STAG1: variants seen among roughly 807,000 people sequenced by gnomAD.
The protein encoded by STAG1 is STAG1 cohesin complex component.
Under a neutral mutation model 170.9 loss-of-function variants are expected in STAG1, and 26 were observed. That is an observed-to-expected ratio of 0.15 (90% CI 0.11 to 0.21). STAG1 has a LOEUF of 0.21. STAG1 is among the 10% of genes least tolerant of loss of function. The pLI is 1.00. For synonymous variants in STAG1, 514 were observed against 497.7 expected, an observed-to-expected ratio of 1.03 and a Z score of -0.44; for missense variants, 964 against 1,509.5, an observed-to-expected ratio of 0.64 and a Z score of 5.99.
At chr3:136,420,423 G>A (rs955706225) in intron 20 of STAG1, among the ~76,000 whole-genome samples, 19 of 151,134 alleles carry the variant, frequency 1.3e-4, no homozygotes, top group African/African-American at 3.9e-4. Flanking sequence ...TCTCAAACTC[G>A]TGGGGCTCAA....
intron 22 of STAG1, among the ~76,000 whole-genome samples, chr3:136,396,520 CTT>C (rs146270857): frequency 6.9e-5 from 3 of 43,654 alleles, no homozygotes; most frequent in East Asian, 8.8e-4. Flanking sequence ...CGCGCCTGGC[CTT>C]TTTTTTTTTT....
intron 23 of STAG1, among the ~76,000 whole-genome samples, chr3:136,376,554 C>A (rs979721424): frequency 6.6e-6 from 1 of 152,160 alleles, no homozygotes; most frequent in Non-Finnish European, 1.5e-5. Flanking sequence ...TCTGAGCCTG[C>A]AAAGGCCTCT....
At chr3:136,736,880 G>C in intron 1 of STAG1, 4 of 1,585,150 alleles carry the variant, frequency 2.5e-6, no homozygotes, top group Non-Finnish European at 3.5e-6. Flanking sequence ...TTTCCTGCCT[G>C]AATTACATCC....
At chr3:136,402,596 C>T (rs1050235046) in intron 21 of STAG1, among the ~76,000 whole-genome samples, 3 of 150,530 alleles carry the variant, frequency 2.0e-5, no homozygotes, top group Non-Finnish European at 4.4e-5. Context: ...TTTGGCAGGC[C>T]GAGGCGGGTG....
chr3:136,507,267 C>G (rs141474846), intron 7 of STAG1, among the ~76,000 whole-genome samples: 1 of 152,140 alleles, frequency 6.6e-6, no homozygotes, highest in African/African-American at 2.4e-5. Flanking sequence ...TTTAGAAAAA[C>G]GTAAGAAACT....
chr3:136,649,937 C>A (rs955949757), intron 1 of STAG1, among the ~76,000 whole-genome samples: 9 of 151,588 alleles, frequency 5.9e-5, no homozygotes, highest in African/African-American at 1.9e-4. Context: ...CTGGCTAATT[C>A]TTTGTATTTT....
chr3:136,644,283 T>C (rs1318875764), intron 1 of STAG1, among the ~76,000 whole-genome samples: 1 of 152,166 alleles, frequency 6.6e-6, no homozygotes, highest in Non-Finnish European at 1.5e-5. Context: ...TTTTTCAGAA[T>C]CCCACAGACT....
At chr3:136,586,664 G>T (rs188112402) in intron 4 of STAG1, 69 of 314,570 alleles carry the variant, frequency 2.2e-4, no homozygotes, top group Non-Finnish European at 3.6e-4. Flanking sequence ...AATCTATTGT[G>T]TTTTGGAGAA....
rs1226713045 is a variant in STAG1, at chr3:136,465,101, C to T, written c.1206-113G>A. On this transcript the variant is annotated intron_variant, in intron 12 of 33. Coordinates refer to ENST00000383202, the MANE Select transcript of STAG1 (RefSeq NM_005862.3). ...AAGCTCAAGACTTAATAATTGTTGT[C>T]TCATCTTTTATCTTACTTTGAAAGT... 5 of 636,008 alleles carry T rather than the reference C, an allele frequency of 7.9e-6. No individual in the cohort carries two copies. In the African/African-American group the frequency reaches 9.3e-5, roughly 12 times the overall value. 39.4% of individuals were successfully genotyped at this position (636,008 alleles called of 1,614,324 possible).
At chr3:136,669,324 T>C (rs1473084406) in intron 1 of STAG1, among the ~76,000 whole-genome samples, 2 of 152,244 alleles carry the variant, frequency 1.3e-5, no homozygotes, top group Admixed American at 1.3e-4. Context: ...GTTGTTGTTT[T>C]TTGTTGTTGT....
intron 28 of STAG1, among the ~76,000 whole-genome samples, chr3:136,355,565 T>C (rs945537837): frequency 2.6e-5 from 4 of 151,896 alleles, no homozygotes; most frequent in African/African-American, 9.7e-5. Flanking sequence ...TAAACAAAAC[T>C]ATAAGCTAAC....
intron 1 of STAG1, among the ~76,000 whole-genome samples, chr3:136,716,412 G>A (rs574836319): frequency 6.6e-6 from 1 of 150,772 alleles, no homozygotes; most frequent in East Asian, 2.0e-4. Flanking sequence ...GCAGTGAGCC[G>A]AGATCACGCC....
At chr3:136,570,898 A>G (rs1425671084) in intron 4 of STAG1, among the ~76,000 whole-genome samples, 1 of 152,234 alleles carries the variant, frequency 6.6e-6, no homozygotes, top group Non-Finnish European at 1.5e-5. Flanking sequence ...AGAGAAAACT[A>G]GAAAGAAGAT....
intron 14 of STAG1, among the ~76,000 whole-genome samples, chr3:136,448,597 T>C (rs767037581): frequency 1.3e-5 from 2 of 152,138 alleles, no homozygotes; most frequent in South Asian, 2.1e-4. Flanking sequence ...CAAGATGGGA[T>C]GTGGGTGGGG....
intron 1 of STAG1, among the ~76,000 whole-genome samples, chr3:136,653,272 C>CAA (rs113426775): frequency 2.6e-5 from 3 of 114,296 alleles, no homozygotes; most frequent in South Asian, 2.6e-4. Flanking sequence ...AACTCCATCT[C>CAA]AAAAAAAAAA....
At chr3:136,580,950 T>C (rs1169606677) in intron 4 of STAG1, among the ~76,000 whole-genome samples, 1 of 152,214 alleles carries the variant, frequency 6.6e-6, no homozygotes, top group Non-Finnish European at 1.5e-5. Context: ...AAAAATCTTG[T>C]GCTTTTCTTT....
chr3:136,424,416 G>A (rs772984009), intron 16 of STAG1, among the ~76,000 whole-genome samples: 26 of 146,804 alleles, frequency 1.8e-4, no homozygotes, highest in Admixed American at 2.8e-4. Context: ...TGCAACCTCC[G>A]CTTTGCTTCC....
At chr3:136,397,455 C>CTT (rs34980781) in intron 22 of STAG1, among the ~76,000 whole-genome samples, 100 of 149,618 alleles carry the variant, frequency 6.7e-4, no homozygotes, top group Admixed American at 1.7e-3. Context: ...TTTTTTCTTT[C>CTT]TTTTTTTTTT....
intron 1 of STAG1, among the ~76,000 whole-genome samples, chr3:136,709,508 G>A (rs1231229647): frequency 6.6e-6 from 1 of 152,062 alleles, no homozygotes; most frequent in Admixed American, 6.5e-5. Context: ...GTCGAGGCAG[G>A]AGGACTGCTT....
Sources: gnomAD v4.1 joint callset for allele counts (sites outside exome capture counted in the v4.1 genomes callset) on GRCh38, gnomAD v4.1.1 for gene constraint, MANE v1.5 for transcripts, NCBI Gene and HGNC (gene_info 2026-07-23, HGNC 2026-07-21) for gene names.